SCN10A: variants seen among roughly 807,000 people sequenced by gnomAD.
SCN10A encodes sodium voltage-gated channel alpha subunit 10.
Under a neutral mutation model 170.7 loss-of-function variants are expected in SCN10A, and 162 were observed. The observed-to-expected ratio is 0.95, with a 90% confidence interval of 0.84 to 1.08. The LOEUF (loss-of-function observed/expected upper bound fraction) is 1.08, where lower values mean the gene tolerates loss of function less well. Ranked by LOEUF, SCN10A falls within the 50% of genes least tolerant of loss-of-function variation. The pLI, the probability that SCN10A is intolerant of heterozygous loss-of-function variation, is 0.00. For synonymous variants in SCN10A, 985 were observed against 904.6 expected (o/e 1.09, Z -1.59); for missense variants, 2,527 against 2,436.9 (o/e 1.04, Z -0.78).
At chr3:38,714,484 T>G (rs1215471286) in intron 21 of SCN10A, among the ~76,000 whole-genome samples, 1 of 152,212 alleles carries the variant, frequency 6.6e-6, no homozygotes, top group African/African-American at 2.4e-5. Context: ...GAGTCTATTC[T>G]GAGGAATATA....
chr3:38,769,453 C>T (rs929820594), intron 5 of SCN10A, among the ~76,000 whole-genome samples: 30 of 152,016 alleles, frequency 2.0e-4, no homozygotes, highest in Non-Finnish European at 3.2e-4. Context: ...TGGCTTCAGG[C>T]TGGTCTTGAA....
intron 4 of SCN10A, among the ~76,000 whole-genome samples, chr3:38,788,626 G>GGGT (rs1553625507): frequency 6.7e-6 from 1 of 150,000 alleles, no homozygotes; most frequent in Non-Finnish European, 1.5e-5. Context: ...GTGTTGGGGG[G>GGGT]GGGTGGGGGC....
At chr3:38,791,959 G>C (rs1278835264) in intron 3 of SCN10A, 91 bp downstream of exon 3, 8 of 1,490,260 alleles carry the variant, frequency 5.4e-6, no homozygotes, top group Non-Finnish European at 7.2e-6. Context: ...AATTGGATAA[G>C]GGCTCTGTTG....
intron 1 of SCN10A, among the ~76,000 whole-genome samples, chr3:38,815,553 G>A (rs987847693): frequency 2.0e-5 from 3 of 152,172 alleles, no homozygotes; most frequent in African/African-American, 4.8e-5. Flanking sequence ...AGGACAAAAC[G>A]TCTTGCTGAA....
chr3:38,760,617 G>T, intron 8 of SCN10A, 64 bp downstream of exon 8: 1 of 1,282,830 alleles, frequency 7.8e-7, no homozygotes, highest in Non-Finnish European at 1.1e-6. Context: ...CCCATAATAT[G>T]CCAAGGACAA....
chr3:38,729,937 G>A (rs555294563), intron 15 of SCN10A, among the ~76,000 whole-genome samples: 4 of 152,328 alleles, frequency 2.6e-5, no homozygotes, highest in African/African-American at 7.2e-5. Flanking sequence ...TGATGGGGGA[G>A]AGCGGGTCCA....
intron 15 of SCN10A, among the ~76,000 whole-genome samples, chr3:38,735,980 TA>T (rs1320138300): frequency 2.0e-5 from 3 of 152,220 alleles, no homozygotes; most frequent in Non-Finnish European, 4.4e-5. Context: ...AATGCCAGGT[TA>T]ATTTGATGAA....
rs777604789 is a variant in SCN10A, at chr3:38,712,148, A to G, written c.4089+13T>C. 6 of 1,612,604 alleles carry G rather than the reference A, an allele frequency of 3.7e-6. No individual in the cohort carries two copies. The African/African-American group carries it at 6.7e-5, about 18-fold the overall frequency. ...CAAAGCAAGAGATATGGTTGATCTC[A>G]TGGTTGACTCACCACCTGCAGAAGT... is the stretch of plus-strand genomic sequence containing the variant. On this transcript the variant is annotated intron_variant, in intron 23 of 27. Transcript: ENST00000449082.
intron 26 of SCN10A, among the ~76,000 whole-genome samples, chr3:38,705,194 T>C (rs1253536371): frequency 6.6e-6 from 1 of 152,222 alleles, no homozygotes; most frequent in African/African-American, 2.4e-5. Context: ...GTTTAAATGT[T>C]CTAGCCTTGC....
intron 5 of SCN10A, among the ~76,000 whole-genome samples, chr3:38,765,858 T>C (rs576996766): frequency 1.3e-5 from 2 of 152,338 alleles, no homozygotes; most frequent in African/African-American, 4.8e-5. Context: ...GAGCATGGGA[T>C]GTGTTCCCAT....
Position 38,792,094 on chromosome 3 carries a change from A to G in SCN10A, c.345T>C (p.Pro115=), listed in dbSNP as rs574552014. The G allele has an allele frequency of 6.2e-7, 1 of 1,613,894 alleles. No individual in the cohort carries two copies. The highest frequency in any genetic ancestry group is 8.5e-7 in the Non-Finnish European group (1 of 1,179,836). Residue 115 remains proline, a synonymous_variant, in exon 3 of 28, where the codon CCT becomes CCC. Transcript: ENST00000449082. ...TGGCCGTTCTTCTGATCAGGTTGAA[A>G]GGACTGAATAGCCACAGGGCCCGAG... ...SATRALWLFS[P]FNLIRRTAIK...
In SCN10A at chr3:38,728,603, A is replaced by G. The variant is rs781073957; in HGVS notation, c.2579T>C (p.Val860Ala). 19 of 1,611,664 alleles carry G rather than the reference A, an allele frequency of 1.2e-5. No individual in the cohort carries two copies. The highest frequency in any genetic ancestry group is 8.9e-5 in the East Asian group (4 of 44,822). ...GATGAGGCATATGGATTTTTGGCCA[A>G]CTTCCATGCAGGCCCACATGTTCTC... is the stretch of plus-strand genomic sequence containing the variant. The part of the protein sequence containing the change: ...WIENMWACME[V>A]GQKSICLILF... Residue 860 changes from valine (V) to alanine (A), a missense_variant, in exon 16 of 28, where the codon GTT becomes GCT. Val to Ala is a moderately conservative substitution (Grantham distance 64). Coordinates refer to ENST00000449082, the MANE Select transcript of SCN10A (RefSeq NM_006514.4).
At chr3:38,778,722 A>G (rs2064103922) in intron 4 of SCN10A, among the ~76,000 whole-genome samples, 1 of 152,076 alleles carries the variant, frequency 6.6e-6, no homozygotes, top group Admixed American at 6.6e-5. Flanking sequence ...AGTCTATCCC[A>G]AGGACATTTA....
chr3:38,703,785 C>T (rs1217826273), intron 26 of SCN10A, among the ~76,000 whole-genome samples: 1 of 152,150 alleles, frequency 6.6e-6, no homozygotes, highest in East Asian at 1.9e-4. Context: ...ATTTATCCAG[C>T]CAGGAATTAA....
chr3:38,736,962 C>CTTTTTTTTTTTT (rs2063567359), intron 15 of SCN10A, among the ~76,000 whole-genome samples: 10 of 69,252 alleles, frequency 1.4e-4, no homozygotes, highest in African/African-American at 3.1e-4. Context: ...CAGAAATGTT[C>CTTTTTTTTTTTT]GTTTTTTTTT....
intron 1 of SCN10A, among the ~76,000 whole-genome samples, chr3:38,795,752 A>G (rs2064337543): frequency 6.6e-6 from 1 of 152,128 alleles, no homozygotes; most frequent in Non-Finnish European, 1.5e-5. Flanking sequence ...CAGAATAATA[A>G]CAATAGTAAC....
At chr3:38,794,640 C>A (rs2064326307) in intron 1 of SCN10A, among the ~76,000 whole-genome samples, 1 of 152,264 alleles carries the variant, frequency 6.6e-6, no homozygotes, top group Non-Finnish European at 1.5e-5. Flanking sequence ...CTGTGGTCCA[C>A]AATTTTGCCA....
intron 4 of SCN10A, among the ~76,000 whole-genome samples, chr3:38,781,080 T>C (rs1165850918): frequency 6.6e-6 from 1 of 152,080 alleles, no homozygotes; most frequent in Non-Finnish European, 1.5e-5. Context: ...TAAGGAAAAA[T>C]GTTTAAAAAA....
At chr3:38,772,956 A>T (rs2064027224) in intron 4 of SCN10A, among the ~76,000 whole-genome samples, 1 of 152,216 alleles carries the variant, frequency 6.6e-6, no homozygotes, top group African/African-American at 2.4e-5. Context: ...AGAAATGGAT[A>T]GGAAGTGATA....
Sources: gnomAD v4.1 joint callset for allele counts (sites outside exome capture counted in the v4.1 genomes callset) on GRCh38, gnomAD v4.1.1 for gene constraint, MANE v1.5 for transcripts, NCBI Gene and HGNC (gene_info 2026-07-23, HGNC 2026-07-21) for gene names.